PNPLA1: variants seen among roughly 807,000 people sequenced by gnomAD.
The protein encoded by PNPLA1 is omega-hydroxyceramide transacylase.
A neutral mutation model predicts 51.7 loss-of-function variants in PNPLA1; 36 were observed. That is an observed-to-expected ratio of 0.70 (90% CI 0.53 to 0.92). PNPLA1 has a LOEUF of 0.92. Ranked by LOEUF, PNPLA1 falls within the 40% of genes least tolerant of loss-of-function variation. PNPLA1 has a pLI of 0.00. For synonymous variants in PNPLA1, 293 were observed against 280.1 expected (o/e 1.05, Z -0.46); for missense variants, 658 against 682.5 (o/e 0.96, Z 0.40).
chr6:36,265,387 G>A (rs922481432), upstream of PNPLA1, among the ~76,000 whole-genome samples: 1 of 152,090 alleles, frequency 6.6e-6, no homozygotes, highest in Non-Finnish European at 1.5e-5. Flanking sequence ...TTCAGGAGGG[G>A]TAGGGAAGAG....
intron 5 of PNPLA1, among the ~76,000 whole-genome samples, chr6:36,296,410 A>T (rs1770859093): frequency 6.6e-6 from 1 of 152,220 alleles, no homozygotes; most frequent in South Asian, 2.1e-4. Context: ...TGTCTTTGTG[A>T]CTGTCTTTTT....
At chr6:36,295,493 C>A in intron 5 of PNPLA1, 69 bp downstream of exon 5, 1 of 1,493,660 alleles carries the variant, frequency 6.7e-7, no homozygotes, top group Non-Finnish European at 9.3e-7. Context: ...AGTAGAAGGG[C>A]TGAATGGAGG....
intron 1 of PNPLA1, among the ~76,000 whole-genome samples, chr6:36,272,760 C>T (rs1769958589): frequency 1.3e-5 from 2 of 152,160 alleles, no homozygotes; most frequent in African/African-American, 4.8e-5. Flanking sequence ...ATAGCCCCCT[C>T]CCAGCCCAAG....
rs1769862516 is a variant in PNPLA1 at position 36,270,062 on chromosome 6, G to C, written c.-398G>C. ...GGCTGGGCAGAGCCCGCCTCCTTGG[G>C]CATGGCCCTGTGCTGGGGAGCAGTG... On this transcript the variant is annotated 5_prime_UTR_variant, in exon 1 of 9. Transcript: ENST00000636260. Among the ~76,000 whole-genome samples, 1 of 152,262 alleles carries C rather than the reference G, an allele frequency of 6.6e-6. No homozygotes were observed. The highest frequency in any genetic ancestry group is 6.5e-5 in the Admixed American group (1 of 15,292).
chr6:36,249,373 G>C (rs1052819567), intron 1 of PNPLA1, among the ~76,000 whole-genome samples: 2 of 152,220 alleles, frequency 1.3e-5, no homozygotes, highest in Non-Finnish European at 2.9e-5. Flanking sequence ...GAAACAGCTT[G>C]TTCTAATTTG....
At chr6:36,277,381 C>A (rs762243144) in intron 1 of PNPLA1, among the ~76,000 whole-genome samples, 1 of 152,178 alleles carries the variant, frequency 6.6e-6, no homozygotes, top group Non-Finnish European at 1.5e-5. Context: ...GCAAGAGAAC[C>A]CAGGAAATGT....
upstream of PNPLA1, among the ~76,000 whole-genome samples, chr6:36,265,527 T>C (rs192934259): frequency 2.0e-5 from 3 of 152,332 alleles, no homozygotes; most frequent in African/African-American, 7.2e-5. Context: ...TAACAAAGTA[T>C]CTATACCTTA....
At chr6:36,256,744 C>G (rs1769542591) in intron 1 of PNPLA1, among the ~76,000 whole-genome samples, 1 of 152,132 alleles carries the variant, frequency 6.6e-6, no homozygotes, top group African/African-American at 2.4e-5. Flanking sequence ...CTGCGCCTGG[C>G]CTACTCCCCA....
chr6:36,270,632 T>G lies in PNPLA1; in HGVS notation c.173T>G (p.Ile58Ser), dbSNP rs1186203481. ...RFAGTSAGAV[I>S]AALAICGIEM... ...GCGGGGACATCGGCAGGTGCTGTGA[T>G]CGCCGCCCTGGCCATCTGCGGGATT... Residue 58 changes from isoleucine to serine, a missense_variant, in exon 1 of 9, where the codon ATC becomes AGC. By Grantham distance (142) the Ile-to-Ser change is moderately radical (BLOSUM62 -2). Coordinates refer to ENST00000636260, the MANE Select transcript of PNPLA1 (RefSeq NM_001374623.1). The G allele has an allele frequency of 6.4e-7, 1 of 1,551,254 alleles. No homozygotes were observed. The highest frequency in any genetic ancestry group is 2.4e-5 in the East Asian group (1 of 40,922).
At chr6:36,275,356 C>T (rs1279050641) in intron 1 of PNPLA1, among the ~76,000 whole-genome samples, 2 of 152,210 alleles carry the variant, frequency 1.3e-5, no homozygotes, top group East Asian at 1.9e-4. Flanking sequence ...GCAAGAGTTA[C>T]AGGCCTAAAC....
chr6:36,294,987 G>A lies in PNPLA1; in HGVS notation c.715-377G>A, dbSNP rs1770813762. On this transcript the variant is annotated intron_variant, in intron 4 of 8. Coordinates refer to ENST00000636260, the MANE Select transcript of PNPLA1 (RefSeq NM_001374623.1). The surrounding 1 kb of genome is among the most constrained non-coding windows in gnomAD (Gnocchi z 4.2). The stretch of plus-strand genomic sequence containing the variant: ...CCCATTTTATAGATGAAGAAATTGA[G>A]GCTGTGAGAGGGGACAGCAACACAG... Among the ~76,000 whole-genome samples the A allele has an allele frequency of 6.6e-6, 1 of 152,128 alleles. No individual in the cohort carries two copies. The highest frequency in any genetic ancestry group is 1.5e-5 in the Non-Finnish European group (1 of 68,016).
At chr6:36,287,270 G>A (rs1430489561) in intron 1 of PNPLA1, among the ~76,000 whole-genome samples, 1 of 152,154 alleles carries the variant, frequency 6.6e-6, no homozygotes, top group African/African-American at 2.4e-5. Context: ...CTCAGGGGAG[G>A]TTTCTGAGGA....
chr6:36,273,756 GAAGA>G lies in PNPLA1; in HGVS notation c.205+3103_205+3106del, dbSNP rs1334518036. The stretch of plus-strand genomic sequence containing the variant: ...AAAAAAAAAAAAAAAAAAAAAAGAT[GAAGA>G]AAGAAAGAAAAGATTTTTCAGACCT... On this transcript the variant is annotated intron_variant, in intron 1 of 8. Transcript: ENST00000636260. 5.6e-4 allele frequency among the ~76,000 whole-genome samples: 56 copies of G among 100,122 alleles called. 1 individual carries two copies. The highest frequency in any genetic ancestry group is 2.1e-3 in the African/African-American group (54 of 25,242). The allele number at this position is 100,122 out of a possible 152,430, so 65.7% of individuals were successfully genotyped here.
chr6:36,279,543 G>A (rs993963677), intron 1 of PNPLA1, among the ~76,000 whole-genome samples: 1 of 152,230 alleles, frequency 6.6e-6, no homozygotes, highest in Non-Finnish European at 1.5e-5. Context: ...GTTGAGGAAT[G>A]AGACATAGCC....
At chr6:36,308,648 A>G (rs1048355188) in intron 8 of PNPLA1, 6 of 152,206 alleles carry the variant, frequency 3.9e-5, no homozygotes, top group Non-Finnish European at 5.9e-5. Flanking sequence ...CAAAGATAAG[A>G]CTAAAACCTA....
chr6:36,280,985 G>T (rs1032847945), intron 1 of PNPLA1, among the ~76,000 whole-genome samples: 1 of 152,096 alleles, frequency 6.6e-6, no homozygotes, highest in African/African-American at 2.4e-5. Flanking sequence ...TAAAGACGGG[G>T]TCTCACTATG....
upstream of PNPLA1, among the ~76,000 whole-genome samples, chr6:36,265,622 T>C (rs936304066): frequency 6.6e-6 from 1 of 152,204 alleles, no homozygotes; most frequent in South Asian, 2.1e-4. Flanking sequence ...ACTAGAAATA[T>C]TTAAGAGCTC....
chr6:36,287,068 G>T (rs1245339738), intron 1 of PNPLA1, among the ~76,000 whole-genome samples: 1 of 152,166 alleles, frequency 6.6e-6, no homozygotes, highest in Non-Finnish European at 1.5e-5. Flanking sequence ...AATCAATATT[G>T]TTAACTCTCG....
At chr6:36,289,185 A>C (rs913319244) in intron 1 of PNPLA1, among the ~76,000 whole-genome samples, 2 of 152,188 alleles carry the variant, frequency 1.3e-5, no homozygotes, top group Non-Finnish European at 2.9e-5. Flanking sequence ...TGATTTTTGT[A>C]ATAAGAACAA....
Sources: allele counts gnomAD v4.1 joint callset (sites outside exome capture counted in the v4.1 genomes callset), GRCh38; gene constraint gnomAD v4.1.1; non-coding constraint Gnocchi (gnomAD v3.1); transcripts MANE v1.5; gene names NCBI Gene and HGNC (gene_info 2026-07-23, HGNC 2026-07-21).